Variants in MANEA observed in about 807,000 individuals in gnomAD.
MANEA encodes glycoprotein endo-alpha-1,2-mannosidase.
In MANEA, 25 loss-of-function variants were observed where a neutral mutation model predicts 36.8. The ratio of observed to expected loss-of-function variants is 0.68; its 90% CI spans 0.50 to 0.95. The LOEUF (loss-of-function observed/expected upper bound fraction) is 0.95, where lower values mean the gene tolerates loss of function less well. Among genes scored for constraint, MANEA ranks in the 40% least tolerant of loss-of-function variants. The pLI, the probability that MANEA is intolerant of heterozygous loss-of-function variation, is 0.00. For missense variants in MANEA, 565 were observed against 558.8 expected (o/e 1.01, Z -0.11); for synonymous variants, 198 against 188.5 (o/e 1.05, Z -0.41).
chr6:95,583,641 A>G (rs1319861851), intron 1 of MANEA, among the ~76,000 whole-genome samples: 1 of 152,114 alleles, frequency 6.6e-6, no homozygotes, highest in African/African-American at 2.4e-5. Context: ...AAGAGGTGAA[A>G]TGGTAAACAC....
intron 2 of MANEA, among the ~76,000 whole-genome samples, chr6:95,591,047 T>C (rs1460123671): frequency 6.6e-6 from 1 of 152,250 alleles, no homozygotes; most frequent in Non-Finnish European, 1.5e-5. Flanking sequence ...TATAGATGAA[T>C]TGGCCTGTAA....
intron 3 of MANEA, among the ~76,000 whole-genome samples, chr6:95,598,718 G>A (rs1215729445): frequency 6.6e-6 from 1 of 152,102 alleles, no homozygotes; most frequent in Non-Finnish European, 1.5e-5. Context: ...CCATCTTGAA[G>A]AATGGCAACC....
Position 95,583,895 on chromosome 6 carries a change from T to A in MANEA, c.-38-2507T>A, listed in dbSNP as rs185599372. On this transcript the variant is annotated intron_variant, in intron 1 of 4. Coordinates refer to ENST00000358812, the MANE Select transcript of MANEA (RefSeq NM_024641.4). ...TATGATTTTAGCTGTTAAAGAAATA[T>A]ACTTGGTTAGTTTAGTGTTTCTTAA... Among the ~76,000 whole-genome samples the A allele has an allele frequency of 2.0e-5, 3 of 152,362 alleles. No homozygotes were observed. In the East Asian group the frequency reaches 5.8e-4, roughly 29 times the overall value.
At position 95,586,490 on chromosome 6, in the gene MANEA, A is replaced by G. The variant is rs1200390080; in HGVS notation, c.51A>G (p.Leu17=). The change falls in exon 2 of 5, where the codon CTA becomes CTG. Residue 17 remains leucine (L), a synonymous_variant. Transcript: ENST00000358812. ...RTCIILALFI[L]FIFSLMMGLK... ...GCATCATTTTGGCACTTTTTATTCT[A>G]TTTATTTTCTCTCTGATGATGGGTT... 3.1e-6 allele frequency: 5 copies of G among 1,613,446 alleles called. No homozygotes were observed. The highest frequency in any genetic ancestry group is 2.2e-5 in the East Asian group (1 of 44,842).
intron 1 of MANEA, among the ~76,000 whole-genome samples, chr6:95,582,305 T>C (rs903439059): frequency 6.8e-6 from 1 of 146,392 alleles, no homozygotes; most frequent in Non-Finnish European, 1.5e-5. Context: ...TGCCTCAGCC[T>C]CCCGAGTAGC....
chr6:95,586,984 GT>G lies in MANEA; in HGVS notation c.544+2del. 1 of 1,506,530 alleles carries G rather than the reference GT, an allele frequency of 6.6e-7. No homozygotes were observed. The highest frequency in any genetic ancestry group is 9.1e-7 in the Non-Finnish European group (1 of 1,100,004). The allele number at this position is 1,506,530 out of a possible 1,614,324, so 93.3% of individuals were successfully genotyped here. On this transcript the variant is annotated splice_donor_variant, in intron 2 of 4. Transcript: ENST00000358812. LOFTEE classifies it high-confidence loss of function. ...AGACAAATGCGCTCAGCTTCAATTG[GT>G]AATTATTGTATATATATATATGTGT...
chr6:95,605,768 T>C lies in MANEA; in HGVS notation c.752T>C (p.Phe251Ser). ...IIDKYGNHPA[F>S]YRYKTKTGNA... ...TCTAGATATGGAAATCATCCGGCCT[T>C]TTACAGGTACAAGACGAAGACTGGC... The change falls in exon 5 of 5, where the codon TTT becomes TCT. Residue 251 changes from phenylalanine (F) to serine (S), a missense_variant. Phe to Ser is a radical substitution (Grantham distance 155). Transcript: ENST00000358812. 6.2e-7 allele frequency: 1 copy of C among 1,610,470 alleles called. No individual in the cohort carries two copies.
intron 1 of MANEA, among the ~76,000 whole-genome samples, chr6:95,580,228 A>G (rs1769153682): frequency 6.6e-6 from 1 of 152,188 alleles, no homozygotes; most frequent in Admixed American, 6.5e-5. Context: ...ACATATATAT[A>G]TATACACACA....
Position 95,608,801 on chromosome 6 carries a change from A to G in MANEA, c.*2396A>G, listed in dbSNP as rs1554210887. The G allele has an allele frequency of 6.6e-6, 1 of 151,794 alleles. No homozygotes were observed. The highest frequency in any genetic ancestry group is 1.5e-5 in the Non-Finnish European group (1 of 67,774). 9.4% of individuals were successfully genotyped at this position (151,794 alleles called of 1,614,324 possible). A position where few individuals can be genotyped will look rare whatever the true frequency, so the allele number is the denominator to read the frequency against. ...ATATAATCTATGCACATCCTCCTGT[A>G]TACATTAAGTCATCTCTAGATTATT... On this transcript the variant is annotated 3_prime_UTR_variant, in exon 5 of 5. Transcript: ENST00000358812.
At position 95,606,112 on chromosome 6, in the gene MANEA, C is replaced by T. The variant is rs748825646; in HGVS notation, c.1096C>T (p.Arg366Cys). ...CCCAGGATACATAGATACCAGCATC[C>T]GTCCATGGAACACGCAAAACACTCG... ...VGPGYIDTSIRPWNTQNTRNR... is the reference protein window; with the variant it reads ...VGPGYIDTSICPWNTQNTRNR... Residue 366 changes from arginine (R) to cysteine (C), a missense_variant, in exon 5 of 5, where the codon CGT (arginine) becomes TGT (cysteine). Arg to Cys is a radical substitution (Grantham distance 180). Transcript: ENST00000358812. The T allele has an allele frequency of 3.7e-6, 6 of 1,613,920 alleles. No individual in the cohort carries two copies. Among genetic ancestry groups the T allele is most frequent in the African/African-American group, 1.3e-5 (1 of 74,988 alleles).
chr6:95,602,702 G>T (rs1224744329), intron 3 of MANEA, among the ~76,000 whole-genome samples: 2 of 152,090 alleles, frequency 1.3e-5, no homozygotes, highest in African/African-American at 4.8e-5. Flanking sequence ...GAGAGATGGA[G>T]ACTAGATCAC....
chr6:95,595,284 G>A (rs1438148549), intron 2 of MANEA, among the ~76,000 whole-genome samples: 1 of 152,166 alleles, frequency 6.6e-6, no homozygotes, highest in Non-Finnish European at 1.5e-5. Context: ...TTACAAGATT[G>A]TAAGTGATCG....
intron 1 of MANEA, among the ~76,000 whole-genome samples, chr6:95,581,122 G>C (rs140017230): frequency 0.034 from 5,148 of 152,216 alleles, 104 homozygotes; most frequent in Non-Finnish European, 0.051. Context: ...CAGTTTTGTA[G>C]GTCAGATAAC....
chr6:95,578,702 G>T (rs148972732), intron 1 of MANEA, among the ~76,000 whole-genome samples: 2 of 152,244 alleles, frequency 1.3e-5, no homozygotes, highest in African/African-American at 4.8e-5. Flanking sequence ...GCTGTTATTC[G>T]TGTGACGAAT....
chr6:95,581,166 C>T (rs1004602872), intron 1 of MANEA, among the ~76,000 whole-genome samples: 11 of 152,180 alleles, frequency 7.2e-5, no homozygotes, highest in Admixed American at 1.3e-4. Context: ...TGAGCTCAAG[C>T]ATTTGAACTA....
chr6:95,596,024 A>G (rs1298274333), intron 2 of MANEA, among the ~76,000 whole-genome samples: 1 of 152,202 alleles, frequency 6.6e-6, no homozygotes, highest in East Asian at 1.9e-4. Context: ...GAAATGAGCT[A>G]TCAAGTTATG....
chr6:95,588,953 G>A (rs1235244903), intron 2 of MANEA, among the ~76,000 whole-genome samples: 1 of 151,658 alleles, frequency 6.6e-6, no homozygotes, highest in Non-Finnish European at 1.5e-5. Flanking sequence ...TAATATTTTA[G>A]TATTGTATCA....
At chr6:95,584,336 C>A (rs1769239030) in intron 1 of MANEA, among the ~76,000 whole-genome samples, 1 of 152,248 alleles carries the variant, frequency 6.6e-6, no homozygotes, top group Non-Finnish European at 1.5e-5. Context: ...TCACTAAATT[C>A]TTTTCCTAGC....
chr6:95,585,875 T>C (rs142973845), intron 1 of MANEA, among the ~76,000 whole-genome samples: 61 of 152,258 alleles, frequency 4.0e-4, no homozygotes, highest in African/African-American at 1.1e-3. Context: ...AAAATTTTAG[T>C]TCAGGCCAGG....
Sources: allele counts gnomAD v4.1 joint callset (sites outside exome capture counted in the v4.1 genomes callset), GRCh38; gene constraint gnomAD v4.1.1; transcripts MANE v1.5; gene names NCBI Gene and HGNC (gene_info 2026-07-23, HGNC 2026-07-21).